HECW2: variants seen among roughly 807,000 people sequenced by gnomAD.
The protein encoded by HECW2 is HECT, C2 and WW domain containing E3 ubiquitin protein ligase 2.
A neutral mutation model predicts 175.2 loss-of-function variants in HECW2; 61 were observed. That is an observed-to-expected ratio of 0.35 (90% CI 0.28 to 0.43). HECW2 has a LOEUF of 0.43. Ranked by LOEUF, HECW2 falls within the 20% of genes least tolerant of loss-of-function variation. The probability of loss-of-function intolerance (pLI) is 1.00; values close to 1 mark genes in which losing one functional copy is unlikely to be tolerated. For missense variants in HECW2, 1,524 were observed against 2,000.5 expected (o/e 0.76, Z 4.54); for synonymous variants, 671 against 731.0 (o/e 0.92, Z 1.32).
At chr2:196,207,640 T>A (rs1392182489) in intron 28 of HECW2, among the ~76,000 whole-genome samples, 1 of 152,226 alleles carries the variant, frequency 6.6e-6, no homozygotes, top group Non-Finnish European at 1.5e-5. Flanking sequence ...ACCAATGATG[T>A]TGGTTATCTG....
intron 1 of HECW2, among the ~76,000 whole-genome samples, chr2:196,548,341 A>G (rs1214771280): frequency 6.6e-6 from 1 of 151,828 alleles, no homozygotes; most frequent in East Asian, 1.9e-4. Context: ...AAAAAAAAAA[A>G]AAGAAAAGAA....
At chr2:196,477,002 G>GCC (rs1485956643) in intron 1 of HECW2, among the ~76,000 whole-genome samples, 4 of 148,636 alleles carry the variant, frequency 2.7e-5, no homozygotes, top group Admixed American at 2.7e-4. Context: ...AATTAGCCAG[G>GCC]CGTGGTGGCA....
At chr2:196,324,895 T>C (rs903511917) in intron 6 of HECW2, 85 bp downstream of exon 6, 2 of 1,156,796 alleles carry the variant, frequency 1.7e-6, no homozygotes, top group South Asian at 1.6e-5. Flanking sequence ...ATAAACAACC[T>C]GAGGGATGCA....
rs1438589456 is a variant in HECW2 at position 196,194,316 on chromosome 2, T to C, written c.*6961A>G. On this transcript the variant is annotated 3_prime_UTR_variant, in exon 29 of 29. Transcript: ENST00000644978. ...ATGAAATCTTTATCTCTACTTCTAT[T>C]CTCCTCCCTTCTGAGTTTTCCCTCC... 6.6e-6 allele frequency: 1 copy of C among 151,962 alleles called. No homozygotes were observed. The highest frequency in any genetic ancestry group is 1.5e-5 in the Non-Finnish European group (1 of 67,958). 9.4% of individuals were successfully genotyped at this position (151,962 alleles called of 1,614,324 possible). A position where few individuals can be genotyped will look rare whatever the true frequency, so the allele number is the denominator to read the frequency against.
intron 2 of HECW2, among the ~76,000 whole-genome samples, chr2:196,381,028 T>C (rs1421841972): frequency 6.6e-6 from 1 of 152,148 alleles, no homozygotes; most frequent in Non-Finnish European, 1.5e-5. Context: ...ATTCCCGAAG[T>C]GCTTCTCCTC....
chr2:196,592,777 CT>C (rs1359787965), intron 1 of HECW2: 2 of 151,874 alleles, frequency 1.3e-5, no homozygotes, highest in Non-Finnish European at 2.9e-5. Context: ...CTCACCTGGG[CT>C]TTGCGCCCGT....
intron 14 of HECW2, chr2:196,289,742 C>T (rs1485192752): frequency 6.6e-6 from 1 of 152,132 alleles, no homozygotes; most frequent in Non-Finnish European, 1.5e-5. Context: ...TTAAAAGGGG[C>T]TAAAATTCCA....
At chr2:196,302,775 T>G (rs1031105662) in intron 13 of HECW2, among the ~76,000 whole-genome samples, 1 of 152,192 alleles carries the variant, frequency 6.6e-6, no homozygotes, top group Admixed American at 6.5e-5. Context: ...TTTTGTATTC[T>G]GAGACTGAAG....
chr2:196,426,314 T>C (rs1695546401), intron 2 of HECW2, among the ~76,000 whole-genome samples: 1 of 152,168 alleles, frequency 6.6e-6, no homozygotes, highest in South Asian at 2.1e-4. Flanking sequence ...TATCTCTAGT[T>C]ATGCCTGTAT....
At chr2:196,419,129 T>C (rs993919953) in intron 2 of HECW2, among the ~76,000 whole-genome samples, 2 of 152,058 alleles carry the variant, frequency 1.3e-5, no homozygotes, top group Admixed American at 6.5e-5. Flanking sequence ...AAGAGTGCAA[T>C]GGAAGGAAGA....
chr2:196,277,375 A>T (rs972365198), intron 15 of HECW2, among the ~76,000 whole-genome samples: 20 of 152,220 alleles, frequency 1.3e-4, no homozygotes, highest in African/African-American at 3.9e-4. Context: ...ATAATCCCAT[A>T]TCCCTGGATG....
intron 2 of HECW2, among the ~76,000 whole-genome samples, chr2:196,424,767 C>T (rs1197622429): frequency 6.6e-6 from 1 of 152,060 alleles, no homozygotes; most frequent in Non-Finnish European, 1.5e-5. Flanking sequence ...AGGAAAGAAG[C>T]CATCTCTATA....
At chr2:196,544,384 A>G (rs536382900) in intron 1 of HECW2, among the ~76,000 whole-genome samples, 1 of 152,304 alleles carries the variant, frequency 6.6e-6, no homozygotes, top group Admixed American at 6.5e-5. Flanking sequence ...TGAGTCCCTC[A>G]GTGTGAAAGG....
At chr2:196,423,708 G>GTA (rs1553516082) in intron 2 of HECW2, among the ~76,000 whole-genome samples, 6 of 151,632 alleles carry the variant, frequency 4.0e-5, no homozygotes, top group African/African-American at 1.5e-4. Flanking sequence ...GTGTGTGTGT[G>GTA]TGTGTGTTTA....
At chr2:196,274,161 G>C (rs1363718190) in intron 15 of HECW2, 38 bp from the exon 16 acceptor site, 1 of 1,488,266 alleles carries the variant, frequency 6.7e-7, no homozygotes, top group Non-Finnish European at 9.4e-7. Context: ...TGCACCAAGA[G>C]CCAGAATGCT....
rs1326377437 is a variant in HECW2 at position 196,578,430 on chromosome 2, A to G, written c.-36+15078T>C. On this transcript the variant is annotated intron_variant, in intron 1 of 28. Transcript: ENST00000644978. ...TGGGAGTTCCAGGAAAAGAGGAAAGAAATTGAAAGGATATTTTTAAGATTA... is the reference window on the plus strand; with the variant it reads ...TGGGAGTTCCAGGAAAAGAGGAAAGGAATTGAAAGGATATTTTTAAGATTA... Among the ~76,000 whole-genome samples the G allele has an allele frequency of 3.3e-5, 5 of 152,182 alleles. No individual in the cohort carries two copies. The East Asian group carries it at 9.6e-4, about 29-fold the overall frequency.
chr2:196,317,623 G>A (rs1485275283), intron 9 of HECW2, among the ~76,000 whole-genome samples: 1 of 151,760 alleles, frequency 6.6e-6, no homozygotes, highest in Non-Finnish European at 1.5e-5. Flanking sequence ...ACCCATAACG[G>A]CCTCTGTCCT....
intron 19 of HECW2, among the ~76,000 whole-genome samples, chr2:196,250,922 C>A (rs911636753): frequency 1.3e-5 from 2 of 152,168 alleles, no homozygotes; most frequent in African/African-American, 4.8e-5. Flanking sequence ...CATTCTGTCA[C>A]CAATCATGAT....
At chr2:196,533,131 A>C (rs1349291970) in intron 1 of HECW2, among the ~76,000 whole-genome samples, 1 of 152,218 alleles carries the variant, frequency 6.6e-6, no homozygotes, top group East Asian at 1.9e-4. Flanking sequence ...TAAGACCAAA[A>C]CAGATGCTTA....
Sources: allele counts gnomAD v4.1 joint callset (sites outside exome capture counted in the v4.1 genomes callset), GRCh38; gene constraint gnomAD v4.1.1; transcripts MANE v1.5; gene names NCBI Gene and HGNC (gene_info 2026-07-23, HGNC 2026-07-21).